The following PSPC1 variants were observed in gnomAD, a reference collection of about 807,000 sequenced individuals.
The protein encoded by PSPC1 is paraspeckle protein 1.
In PSPC1, 14 loss-of-function variants were observed where a neutral mutation model predicts 51.6. That is an observed-to-expected ratio of 0.27 (90% CI 0.18 to 0.42). The LOEUF (loss-of-function observed/expected upper bound fraction) is 0.42, where lower values mean the gene tolerates loss of function less well. PSPC1 is among the 10% of genes least tolerant of loss of function. PSPC1 has a pLI of 1.00. For synonymous variants in PSPC1, 193 were observed against 231.9 expected (o/e 0.83, Z 1.53); for missense variants, 406 against 701.1 (o/e 0.58, Z 4.75).
intron 6 of PSPC1, among the ~76,000 whole-genome samples, chr13:19,729,780 A>T (rs984182480): frequency 2.0e-5 from 3 of 152,164 alleles, no homozygotes; most frequent in Non-Finnish European, 4.4e-5. Flanking sequence ...AAATTATATG[A>T]AATCAGGTAT....
At chr13:19,739,593 CA>C (rs1448763385) in intron 5 of PSPC1, among the ~76,000 whole-genome samples, 1 of 151,864 alleles carries the variant, frequency 6.6e-6, no homozygotes, top group Non-Finnish European at 1.5e-5. Context: ...ACTAAAAATA[CA>C]AAATAAGGTG....
chr13:19,770,145 T>C (rs1888486987), intron 2 of PSPC1, among the ~76,000 whole-genome samples: 2 of 152,104 alleles, frequency 1.3e-5, no homozygotes. Flanking sequence ...CTCATAAACA[T>C]ATGCTGAGCA....
At chr13:19,719,220 C>T (rs532761542) in intron 6 of PSPC1, among the ~76,000 whole-genome samples, 3 of 151,888 alleles carry the variant, frequency 2.0e-5, no homozygotes, top group Non-Finnish European at 4.4e-5. Context: ...ACGGGGTAGA[C>T]GGGAAATCTC....
chr13:19,691,744 C>T (rs962904693), intron 6 of PSPC1, among the ~76,000 whole-genome samples: 17 of 152,064 alleles, frequency 1.1e-4, no homozygotes, highest in African/African-American at 4.1e-4. Flanking sequence ...CATGGTGAAA[C>T]CTCATCCCTA....
rs1389928387 is a variant in PSPC1 at position 19,736,071 on chromosome 13, C to G, written c.1052+5494G>C. On this transcript the variant is annotated intron_variant, in intron 5 of 8. Transcript: ENST00000338910. ...TCCTGACCTTGTGATCCGCCTGCCT[C>G]GGCCTCCCAAAGTGCTGGGATTACA... 2.0e-5 allele frequency among the ~76,000 whole-genome samples: 3 copies of G among 152,080 alleles called. No homozygotes were observed. The South Asian group carries it at 6.2e-4, about 32-fold the overall frequency.
chr13:19,701,403 A>C (rs1167082484), downstream of PSPC1, among the ~76,000 whole-genome samples: 1 of 151,592 alleles, frequency 6.6e-6, no homozygotes, highest in African/African-American at 2.4e-5. Flanking sequence ...TACCCCAATT[A>C]ATGTCACAAA....
At chr13:19,741,266 C>T (rs765528566) in intron 5 of PSPC1, among the ~76,000 whole-genome samples, 14 of 152,064 alleles carry the variant, frequency 9.2e-5, no homozygotes, top group South Asian at 2.1e-4. Flanking sequence ...ATAAGAGCAA[C>T]GCAAATATAT....
chr13:19,759,195 TAG>T (rs1442235783), intron 3 of PSPC1, 126 bp downstream of exon 3: 6 of 685,278 alleles, frequency 8.8e-6, no homozygotes, highest in Non-Finnish European at 1.2e-5. Flanking sequence ...GCATTCCATG[TAG>T]ACTAGACCAC....
intron 6 of PSPC1, among the ~76,000 whole-genome samples, chr13:19,713,177 G>A (rs1881651519): frequency 6.6e-6 from 1 of 152,080 alleles, no homozygotes; most frequent in East Asian, 1.9e-4. Flanking sequence ...GTGCGTATAC[G>A]TGATATTTTT....
At chr13:19,720,091 T>C (rs111558948) in intron 6 of PSPC1, among the ~76,000 whole-genome samples, 56 of 152,330 alleles carry the variant, frequency 3.7e-4, no homozygotes, top group African/African-American at 1.3e-3. Flanking sequence ...AATTGATTAA[T>C]AGTATTTAAT....
chr13:19,737,082 T>C (rs941865560), intron 5 of PSPC1: 1 of 152,298 alleles, frequency 6.6e-6, no homozygotes, highest in Admixed American at 6.5e-5. Context: ...ATTTCTGACT[T>C]GGGCCAGTTC....
At chr13:19,730,823 T>C (rs193118198) in intron 5 of PSPC1, among the ~76,000 whole-genome samples, 4 of 151,784 alleles carry the variant, frequency 2.6e-5, no homozygotes, top group African/African-American at 9.7e-5. Context: ...CCAGGTGTGT[T>C]ATAATCCCAG....
At position 19,716,445 on chromosome 13, in the gene PSPC1, T is replaced by A. The variant is rs1882099734; in HGVS notation, c.1159-6846A>T. On this transcript the variant is annotated intron_variant, in intron 6 of 8. Coordinates refer to ENST00000338910, the MANE Select transcript of PSPC1 (RefSeq NM_001354909.2). The stretch of plus-strand genomic sequence containing the variant: ...CGAGAGGTATTCATCTAACACTTTA[T>A]CAATATAACTCTTGTTTGAGTGAAT... 2.6e-5 allele frequency among the ~76,000 whole-genome samples: 4 copies of A among 152,218 alleles called. No individual in the cohort carries two copies. In the South Asian group the frequency reaches 8.3e-4, roughly 31 times the overall value.
At chr13:19,761,877 A>T (rs1011441026) in intron 2 of PSPC1, among the ~76,000 whole-genome samples, 1 of 152,220 alleles carries the variant, frequency 6.6e-6, no homozygotes, top group Non-Finnish European at 1.5e-5. Context: ...CAAAGAAACA[A>T]GCAAACCCCT....
At chr13:19,701,817 A>G (rs554884128), downstream of PSPC1, among the ~76,000 whole-genome samples, 4 of 152,362 alleles carry the variant, frequency 2.6e-5, no homozygotes, top group Non-Finnish European at 5.9e-5. Flanking sequence ...GTTTTATGAG[A>G]AACAGCTATG....
In PSPC1 at chr13:19,782,767, T is replaced by C; in HGVS notation, c.-10A>G. The C allele has an allele frequency of 1.3e-6, 2 of 1,533,674 alleles. No homozygotes were observed. Among genetic ancestry groups the C allele is most frequent in the Non-Finnish European group, 1.7e-6 (2 of 1,157,318 alleles). On this transcript the variant is annotated 5_prime_UTR_variant, in exon 1 of 9. Coordinates refer to ENST00000338910, the MANE Select transcript of PSPC1 (RefSeq NM_001354909.2). This position sits in a 1 kb window ranked among gnomAD's most constrained non-coding sequence, Gnocchi z 4.5. ...TTCCTCTTAACATCATCTTACTGAG[T>C]TCGCCTCGGACACCGGATACAGGCC...
intron 1 of PSPC1, among the ~76,000 whole-genome samples, chr13:19,778,507 GAAT>G (rs1555252431): frequency 7.0e-6 from 1 of 142,364 alleles, no homozygotes; most frequent in Non-Finnish European, 1.5e-5. Flanking sequence ...TCAGTCTGCC[GAAT>G]GCCTGCAATT....
At chr13:19,675,324 T>G (rs1380426779) in intron 7 of PSPC1, 1 of 152,192 alleles carries the variant, frequency 6.6e-6, no homozygotes, top group Non-Finnish European at 1.5e-5. Flanking sequence ...TTGGCTATTC[T>G]GAATTTGTGC....
At chr13:19,694,122 C>CTCAAAAA (rs1878910423) in intron 6 of PSPC1, among the ~76,000 whole-genome samples, 2 of 47,466 alleles carry the variant, frequency 4.2e-5, no homozygotes, top group Non-Finnish European at 7.3e-5. Flanking sequence ...GACTCCATCT[C>CTCAAAAA]AAAAAAAAAA....
Sources: gnomAD v4.1 joint callset for allele counts (sites outside exome capture counted in the v4.1 genomes callset) on GRCh38, gnomAD v4.1.1 for gene constraint, Gnocchi (gnomAD v3.1) non-coding constraint, MANE v1.5 for transcripts, NCBI Gene and HGNC (gene_info 2026-07-23, HGNC 2026-07-21) for gene names.